Variants in FRMD1 observed in about 807,000 individuals in gnomAD.
FRMD1 encodes the protein FERM domain-containing protein 1.
In FRMD1, 51 loss-of-function variants were observed where a neutral mutation model predicts 54.9. The observed-to-expected ratio is 0.93, with a 90% CI of 0.74 to 1.17. The LOEUF is 1.17. FRMD1 is among the 50% of genes most tolerant of loss of function. The probability of loss-of-function intolerance (pLI) is 0.00; values close to 1 mark genes in which losing one functional copy is unlikely to be tolerated. For missense variants in FRMD1, 729 were observed against 743.0 expected, an observed-to-expected ratio of 0.98 and a Z score of 0.22; for synonymous variants, 324 against 306.4, an observed-to-expected ratio of 1.06 and a Z score of -0.60.
chr6:168,063,596 T>A lies in FRMD1; in HGVS notation c.804+5A>T. 1 of 1,607,538 alleles carries A rather than the reference T, an allele frequency of 6.2e-7. No individual in the cohort carries two copies. The highest frequency in any genetic ancestry group is 8.5e-7 in the Non-Finnish European group (1 of 1,177,174). On this transcript the variant is annotated splice_donor_5th_base_variant and intron_variant, in intron 6 of 10. Coordinates refer to ENST00000283309, the MANE Select transcript of FRMD1 (RefSeq NM_024919.6). Reference sequence around the variant, plus strand: ...CAGCCCATCGCTGGCCGCCCTGGGCTCGACCTTGTGCAGCCTGAAGAAGTG... The same window carrying A: ...CAGCCCATCGCTGGCCGCCCTGGGCACGACCTTGTGCAGCCTGAAGAAGTG...
At chr6:168,069,310 C>T (rs1453374424) in intron 2 of FRMD1, among the ~76,000 whole-genome samples, 1 of 152,242 alleles carries the variant, frequency 6.6e-6, no homozygotes, top group African/African-American at 2.4e-5. Flanking sequence ...GGTAGACAGC[C>T]ACAATCATTC....
chr6:168,078,325 C>T (rs977552368), intron 1 of FRMD1, among the ~76,000 whole-genome samples: 5 of 152,156 alleles, frequency 3.3e-5, no homozygotes, highest in African/African-American at 1.2e-4. Flanking sequence ...GCGCTCTTCC[C>T]TCAGCGCTCC....
chr6:168,068,307 A>G, intron 2 of FRMD1, among the ~76,000 whole-genome samples: 1 of 152,138 alleles, frequency 6.6e-6, no homozygotes, highest in Non-Finnish European at 1.5e-5. Flanking sequence ...TATGGCCTGG[A>G]AAAATTAAAC....
chr6:168,077,664 G>A lies in FRMD1; in HGVS notation c.213+1218C>T, dbSNP rs542212852. On this transcript the variant is annotated intron_variant, in intron 1 of 10. Transcript: ENST00000283309. ...AGCTCCGTCAAAAGCAGATGAGCAC[G>A]ATTCACCTGTTCAGAACAGGCGGTT... 3.3e-4 allele frequency among the ~76,000 whole-genome samples: 50 copies of A among 152,354 alleles called. No individual in the cohort carries two copies. In the South Asian group the frequency reaches 3.5e-3, roughly 11 times the overall value.
intron 1 of FRMD1, among the ~76,000 whole-genome samples, chr6:168,089,375 G>A (rs1016960533): frequency 6.6e-6 from 1 of 152,228 alleles, no homozygotes; most frequent in Non-Finnish European, 1.5e-5. Context: ...TCTAAGGCCC[G>A]TGGCCCTGGA....
rs1309749416 is a variant in FRMD1 at position 168,076,894 on chromosome 6, A to G, written c.214-1559T>C. ...TGTCTAACTGCAGACACAGGTGTGC[A>G]CACACTCCAATAGAGCGTTCCCTGT... On this transcript the variant is annotated intron_variant, in intron 1 of 10. Transcript: ENST00000283309. Among the ~76,000 whole-genome samples, 2 of 152,130 alleles carry G rather than the reference A, an allele frequency of 1.3e-5. 1 individual carries two copies. The highest frequency in any genetic ancestry group is 2.9e-5 in the Non-Finnish European group (2 of 68,022).
Position 168,057,145 on chromosome 6 carries a change from G to A in FRMD1, c.1602C>T (p.Leu534=), listed in dbSNP as rs760029744. The change falls in exon 11 of 11, where the codon CTC becomes CTT. Residue 534 remains leucine, a synonymous_variant. Coordinates refer to ENST00000283309, the MANE Select transcript of FRMD1 (RefSeq NM_024919.6). ...TLPSKRSSNC[L]ALDLFGEAPP... is the part of the protein sequence containing the mutation. ...GAGCCTCTCCGAACAGGTCCAGGGC[G>A]AGACAGTTGCTGGACCTCTTGCTGG... 1.2e-5 allele frequency: 18 copies of A among 1,554,440 alleles called. No individual in the cohort carries two copies. The highest frequency in any genetic ancestry group is 1.6e-5 in the Non-Finnish European group (18 of 1,148,912).
At chr6:168,064,482 C>A (rs1799922224) in intron 5 of FRMD1, among the ~76,000 whole-genome samples, 2 of 152,066 alleles carry the variant, frequency 1.3e-5, no homozygotes, top group Non-Finnish European at 2.9e-5. Flanking sequence ...GGCTCAGAGA[C>A]TCCTACGGGT....
intron 4 of FRMD1, chr6:168,065,295 C>A: frequency 7.7e-7 from 1 of 1,304,946 alleles, no homozygotes; most frequent in East Asian, 3.1e-5. Flanking sequence ...CTAGATGAGG[C>A]TCCACCTGCC....
intron 1 of FRMD1, among the ~76,000 whole-genome samples, chr6:168,077,869 C>T (rs750919330): frequency 6.6e-6 from 1 of 152,242 alleles, no homozygotes; most frequent in African/African-American, 2.4e-5. Context: ...CAGGAAACTA[C>T]AGGACATCCC....
rs780550415 is a variant in FRMD1, at chr6:168,057,318, C to A, written c.1429G>T (p.Val477Phe). The change falls in exon 11 of 11, where the codon GTC becomes TTC. Residue 477 changes from valine to phenylalanine, a missense_variant. By Grantham distance (50) the Val-to-Phe change is conservative. Coordinates refer to ENST00000283309, the MANE Select transcript of FRMD1 (RefSeq NM_024919.6). ...VHQIQEMTAG[V>F]SEEQHSHGLD... Reference sequence around the variant, plus strand: ...CCATGGCTGTGCTGCTCCTCACTGACCCCGGCTGTCATTTCCTGGATCTGC... The same window carrying A: ...CCATGGCTGTGCTGCTCCTCACTGAACCCGGCTGTCATTTCCTGGATCTGC... 2 of 1,611,492 alleles carry A rather than the reference C, an allele frequency of 1.2e-6. No individual in the cohort carries two copies. The highest frequency in any genetic ancestry group is 1.7e-5 in the Admixed American group (1 of 59,998).
At chr6:168,077,618 A>T (rs970641414) in intron 1 of FRMD1, among the ~76,000 whole-genome samples, 1 of 152,374 alleles carries the variant, frequency 6.6e-6, no homozygotes, top group Non-Finnish European at 1.5e-5. Context: ...GGGCCACAGG[A>T]GTTGCAGAGG....
chr6:168,059,071 G>C lies in FRMD1; in HGVS notation c.1407+53C>G. 7.0e-7 allele frequency: 1 copy of C among 1,420,330 alleles called. No homozygotes were observed. The highest frequency in any genetic ancestry group is 9.6e-7 in the Non-Finnish European group (1 of 1,038,502). 88.0% of individuals were successfully genotyped at this position (1,420,330 alleles called of 1,614,324 possible). A position where few individuals can be genotyped will look rare whatever the true frequency, so the allele number is the denominator to read the frequency against. ...AGGGCCCCTGACAGGGGACCTAGGA[G>C]AAGGGGGTGGAGGAGCAGGGCCAGG... On this transcript the variant is annotated intron_variant, in intron 10 of 10. Coordinates refer to ENST00000283309, the MANE Select transcript of FRMD1 (RefSeq NM_024919.6). This position sits in a 1 kb window ranked among gnomAD's most constrained non-coding sequence, Gnocchi z 4.4.
chr6:168,075,960 C>T, intron 1 of FRMD1: 1 of 906,322 alleles, frequency 1.1e-6, no homozygotes, highest in Non-Finnish European at 1.6e-6. Flanking sequence ...TTTCCGGTGT[C>T]CCGTGTCCGC....
chr6:168,058,565 TG>T (rs1247300847), intron 10 of FRMD1, among the ~76,000 whole-genome samples: 14 of 28,950 alleles, frequency 4.8e-4, no homozygotes, highest in African/African-American at 1.8e-3. Flanking sequence ...GGGCGGGGGT[TG>T]GGGGGTGGGG....
chr6:168,087,792 C>G (rs115999718), intron 1 of FRMD1, among the ~76,000 whole-genome samples: 1,552 of 152,318 alleles, frequency 0.01, 22 homozygotes, highest in African/African-American at 0.035. Flanking sequence ...GGTCCATCCC[C>G]TTCTACCGCT....
intron 2 of FRMD1, among the ~76,000 whole-genome samples, chr6:168,074,741 CTG>C (rs571509312): frequency 0.012 from 1,207 of 98,178 alleles, 13 homozygotes; most frequent in Non-Finnish European, 0.018. Context: ...TGGTGTGTAA[CTG>C]TGTGCATGTG....
chr6:168,057,353 C>T lies in FRMD1; in HGVS notation c.1408-14G>A. ...CATTTCCTGGATCTGCGGGGAGAGG[C>T]CATGGGATGAGGCCTGCTGCCCCCT... On this transcript the variant is annotated splice_polypyrimidine_tract_variant and intron_variant, in intron 10 of 10. Transcript: ENST00000283309. 2 of 1,606,690 alleles carry T rather than the reference C, an allele frequency of 1.2e-6. No homozygotes were observed. Among genetic ancestry groups the T allele is most frequent in the Non-Finnish European group, 8.5e-7 (1 of 1,179,498 alleles).
chr6:168,082,049 C>A (rs1011053086), upstream of FRMD1, among the ~76,000 whole-genome samples: 1 of 152,184 alleles, frequency 6.6e-6, no homozygotes, highest in South Asian at 2.1e-4. Context: ...GTGTGAGACA[C>A]GTGGGTGCTG....
Sources: gnomAD v4.1 joint callset for allele counts (sites outside exome capture counted in the v4.1 genomes callset) on GRCh38, gnomAD v4.1.1 for gene constraint, Gnocchi (gnomAD v3.1) non-coding constraint, MANE v1.5 for transcripts, NCBI Gene and HGNC (gene_info 2026-07-23, HGNC 2026-07-21) for gene names.